TCEANC: variants seen among roughly 807,000 people sequenced by gnomAD.
TCEANC encodes the protein transcription elongation factor A N-terminal and central domain-containing protein.
A neutral mutation model predicts 8.7 loss-of-function variants in TCEANC; 8 were observed. That is an observed-to-expected ratio of 0.92 (90% CI 0.54 to 1.65). TCEANC has a LOEUF of 1.65. TCEANC is among the 40% of genes most tolerant of loss of function. The pLI is 0.00. For synonymous variants in TCEANC, 78 were observed against 92.9 expected (o/e 0.84, Z 0.92); for missense variants, 255 against 251.9 (o/e 1.01, Z -0.08).
At chrX:13,658,660 GC>G (rs2045942853) in intron 1 of TCEANC, among the ~76,000 whole-genome samples, 1 of 111,352 alleles carries the variant, frequency 9.0e-6, no homozygotes, top group Non-Finnish European at 1.9e-5. Flanking sequence ...CTTAAGAGTG[GC>G]TATATCACCT....
chrX:13,654,090 G>A (rs2045905087), upstream of TCEANC, among the ~76,000 whole-genome samples: 1 of 112,502 alleles, frequency 8.9e-6, no homozygotes, highest in Non-Finnish European at 1.9e-5. Flanking sequence ...GTGAATTTTC[G>A]AGAATTAGCA....
At chrX:13,664,195 G>A (rs773432976) in exon 2 of TCEANC, 3 of 123,359 alleles carry the variant, frequency 2.4e-5, no homozygotes, top group Non-Finnish European at 5.6e-5. Flanking sequence ...GGCACTTCAC[G>A]AATGAGGAAA....
At chrX:13,657,395 T>C (rs143617931) in intron 1 of TCEANC, among the ~76,000 whole-genome samples, 2,960 of 111,411 alleles carry the variant, frequency 0.027, 34 homozygotes, top group Non-Finnish European at 0.042. Flanking sequence ...TATTTAATGA[T>C]GTGGAAAAAT....
exon 2 of TCEANC, chrX:13,662,515 G>C: frequency 8.3e-7 from 1 of 1,205,962 alleles, no homozygotes; most frequent in Non-Finnish European, 1.1e-6. Context: ...AAAGATGTCT[G>C]ACAAGAACCA....
chrX:13,663,001 G>C (rs765595940), exon 2 of TCEANC: 4 of 1,209,320 alleles, frequency 3.3e-6, no homozygotes, highest in Non-Finnish European at 4.5e-6. Flanking sequence ...GAGATCGAGT[G>C]AGTTGCTGGA....
At chrX:13,656,746 A>G (rs983013960) in intron 1 of TCEANC, among the ~76,000 whole-genome samples, 2 of 113,085 alleles carry the variant, frequency 1.8e-5, no homozygotes, top group African/African-American at 6.4e-5. Flanking sequence ...TTATGTATAG[A>G]CAATGGAATA....
rs193204137 is a variant in TCEANC, at chrX:13,660,527, A to T, written c.-8-1974A>T. On this transcript the variant is annotated intron_variant, in intron 1 of 1. Transcript: ENST00000380600. Reference sequence around the variant, plus strand: ...CTCTATAGATTTGCCTGTTTTGGACATTTCATGTAAATAAAATCATACAAT... The same window carrying T: ...CTCTATAGATTTGCCTGTTTTGGACTTTTCATGTAAATAAAATCATACAAT... Among the ~76,000 whole-genome samples, 248 of 112,367 alleles carry T rather than the reference A, an allele frequency of 2.2e-3. 1 individual carries two copies. The highest frequency in any genetic ancestry group is 9.2e-3 in the Middle Eastern group (2 of 218).
At chrX:13,660,655 A>T (rs1373574953) in intron 1 of TCEANC, among the ~76,000 whole-genome samples, 9 of 112,486 alleles carry the variant, frequency 8.0e-5, no homozygotes, top group African/African-American at 2.9e-4. Flanking sequence ...TGGCAGAATA[A>T]TATTCTGTTG....
At chrX:13,661,588 A>G (rs751470201) in intron 1 of TCEANC, among the ~76,000 whole-genome samples, 1 of 112,093 alleles carries the variant, frequency 8.9e-6, no homozygotes, top group Non-Finnish European at 1.9e-5. Context: ...CCCTGCCATC[A>G]AGATGCTTAT....
intron 1 of TCEANC, among the ~76,000 whole-genome samples, chrX:13,657,827 A>ACG (rs776773478): frequency 4.5e-4 from 37 of 82,026 alleles, no homozygotes; most frequent in African/African-American, 1.5e-3. Context: ...AAAAAAAAAA[A>ACG]CACACACACA....
chrX:13,654,473 T>C (rs2045908447), upstream of TCEANC, among the ~76,000 whole-genome samples: 1 of 112,778 alleles, frequency 8.9e-6, no homozygotes. Flanking sequence ...GCCTAGAATA[T>C]ATACCTTCTG....
At chrX:13,653,693 C>T (rs182280425), upstream of TCEANC, among the ~76,000 whole-genome samples, 1 of 111,549 alleles carries the variant, frequency 9.0e-6, no homozygotes, top group African/African-American at 3.3e-5. Flanking sequence ...TACAGTTTCT[C>T]TTTAGGCTTT....
chrX:13,662,825 C>T, exon 2 of TCEANC: 2 of 1,211,706 alleles, frequency 1.7e-6, no homozygotes, highest in South Asian at 1.8e-5. Context: ...TCAGGACCTT[C>T]TCATGACCCA....
At chrX:13,662,609 A>G (rs1051047739) in exon 2 of TCEANC, 2 of 1,211,869 alleles carry the variant, frequency 1.7e-6, no homozygotes, top group Non-Finnish European at 2.2e-6. Context: ...ACTGAGCTAG[A>G]AACAATTTAT....
At chrX:13,660,295 G>A (rs5935647) in intron 1 of TCEANC, among the ~76,000 whole-genome samples, 17,064 of 110,876 alleles carry the variant, frequency 0.15, 986 homozygotes, top group East Asian at 0.25. Context: ...TGTAATTCAC[G>A]CACCATACAG....
chrX:13,657,765 A>G (rs987974108), intron 1 of TCEANC, among the ~76,000 whole-genome samples: 3 of 99,295 alleles, frequency 3.0e-5, no homozygotes, highest in Admixed American at 1.1e-4. Flanking sequence ...CCAAGATTGC[A>G]CCACTGCACT....
At chrX:13,658,244 T>C (rs1051948845) in intron 1 of TCEANC, among the ~76,000 whole-genome samples, 1 of 112,104 alleles carries the variant, frequency 8.9e-6, no homozygotes, top group Non-Finnish European at 1.9e-5. Context: ...GTTGATTTAT[T>C]TGTGGTGATG....
At position 13,657,807 on chromosome X, in the gene TCEANC, C is replaced by CA. The variant is rs34205512; in HGVS notation, c.-9+2454dup. Among the ~76,000 whole-genome samples, 593 of 68,739 alleles carry CA rather than the reference C, an allele frequency of 8.6e-3. 10 individuals are homozygous for CA. Among genetic ancestry groups the CA allele is most frequent in the African/African-American group, 0.02 (361 of 17,811 alleles). 59.7% of individuals were successfully genotyped at this position (68,739 alleles called of 115,157 possible). On this transcript the variant is annotated intron_variant, in intron 1 of 1. Transcript: ENST00000380600. ...TGGGTGACAGAGCGAGACTCCATCT[C>CA]AAAAAAAAAAAAAAAAAAAACACAC... is the stretch of plus-strand genomic sequence containing the variant.
At chrX:13,653,484 A>G (rs894932394), upstream of TCEANC, among the ~76,000 whole-genome samples, 6 of 111,606 alleles carry the variant, frequency 5.4e-5, no homozygotes, top group Non-Finnish European at 1.1e-4. Flanking sequence ...CCCGGGCTAG[A>G]CCGGGCAGTT....
Sources: allele counts gnomAD v4.1 joint callset (sites outside exome capture counted in the v4.1 genomes callset), GRCh38; gene constraint gnomAD v4.1.1; transcripts MANE v1.5; gene names NCBI Gene and HGNC (gene_info 2026-07-23, HGNC 2026-07-21).